KAZN: variants seen among roughly 807,000 people sequenced by gnomAD.
KAZN encodes the protein kazrin, periplakin interacting protein.
In KAZN, 40 loss-of-function variants were observed where a neutral mutation model predicts 87.4. The observed-to-expected ratio is 0.46, with a 90% CI of 0.36 to 0.60. KAZN has a LOEUF of 0.60. KAZN is among the 20% of genes least tolerant of loss of function. The pLI, the probability that KAZN is intolerant of heterozygous loss-of-function variation, is 0.00. For missense variants in KAZN, 898 were observed against 1,073.9 expected (o/e 0.84, Z 2.29); for synonymous variants, 466 against 458.3 (o/e 1.02, Z -0.22).
intron 2 of KAZN, among the ~76,000 whole-genome samples, chr1:14,586,071 C>A (rs1675831961): frequency 6.6e-6 from 1 of 152,160 alleles, no homozygotes; most frequent in Non-Finnish European, 1.5e-5. Flanking sequence ...GGAAATGTTT[C>A]ATTTCTTTTT....
intron 1 of KAZN, among the ~76,000 whole-genome samples, chr1:14,041,163 A>C (rs1417365997): frequency 6.6e-6 from 1 of 152,146 alleles, no homozygotes; most frequent in Non-Finnish European, 1.5e-5. Context: ...TTCATGAATG[A>C]TCAATTTTGA....
intron 2 of KAZN, among the ~76,000 whole-genome samples, chr1:14,995,002 A>G (rs1667727148): frequency 6.6e-6 from 1 of 152,226 alleles, no homozygotes; most frequent in Non-Finnish European, 1.5e-5. Context: ...GCAGCGGGGC[A>G]GTTCTTGACT....
At chr1:15,052,151 ATGTGTG>A (rs555170004) in intron 4 of KAZN, among the ~76,000 whole-genome samples, 1 of 151,164 alleles carries the variant, frequency 6.6e-6, no homozygotes, top group Non-Finnish European at 1.5e-5. Context: ...ACGTGTGTGT[ATGTGTG>A]TGTGTGTGGT....
chr1:14,809,861 C>A (rs1364054607), intron 1 of KAZN, among the ~76,000 whole-genome samples: 1 of 152,128 alleles, frequency 6.6e-6, no homozygotes, highest in Non-Finnish European at 1.5e-5. Context: ...CAGGTCCCTT[C>A]CACCAGGGGC....
intron 2 of KAZN, among the ~76,000 whole-genome samples, chr1:14,532,028 T>C (rs1429163577): frequency 6.6e-6 from 1 of 152,138 alleles, no homozygotes; most frequent in Non-Finnish European, 1.5e-5. Context: ...CGTGCTCTTT[T>C]TTCATAGAAT....
chr1:14,176,171 A>G, intron 1 of KAZN, among the ~76,000 whole-genome samples: 1 of 152,192 alleles, frequency 6.6e-6, no homozygotes, highest in Admixed American at 6.5e-5. Flanking sequence ...AATAAATTCA[A>G]ATTGCTTCCC....
intron 2 of KAZN, among the ~76,000 whole-genome samples, chr1:14,203,990 G>T: frequency 6.6e-6 from 1 of 152,188 alleles, no homozygotes; most frequent in East Asian, 1.9e-4. Context: ...CCAGAGAGTG[G>T]AATAGAAATC....
chr1:14,483,303 C>G (rs538444504), intron 2 of KAZN, among the ~76,000 whole-genome samples: 8 of 152,110 alleles, frequency 5.3e-5, no homozygotes, highest in Admixed American at 2.0e-4. Context: ...CCATGCAACC[C>G]TGGAATAACT....
chr1:14,384,470 A>G (rs1026280094), intron 2 of KAZN, among the ~76,000 whole-genome samples: 28 of 151,950 alleles, frequency 1.8e-4, no homozygotes, highest in African/African-American at 6.0e-4. Flanking sequence ...GATAGCTCTT[A>G]CTATTTTGAA....
At chr1:14,427,524 A>G (rs1253266831) in intron 2 of KAZN, among the ~76,000 whole-genome samples, 1 of 152,062 alleles carries the variant, frequency 6.6e-6, no homozygotes, top group African/African-American at 2.4e-5. Context: ...ACACACACAC[A>G]CACACACACA....
At chr1:15,070,182 G>A (rs554403609) in intron 8 of KAZN, among the ~76,000 whole-genome samples, 1 of 152,210 alleles carries the variant, frequency 6.6e-6, no homozygotes, top group South Asian at 2.1e-4. Context: ...CTTCTCCCAG[G>A]GGGGCATCTT....
At chr1:13,940,508 G>A (rs1640889443) in intron 1 of KAZN, among the ~76,000 whole-genome samples, 1 of 152,002 alleles carries the variant, frequency 6.6e-6, no homozygotes, top group Non-Finnish European at 1.5e-5. Flanking sequence ...TTTTGATTGT[G>A]TATATTTGAA....
chr1:15,051,609 G>A (rs1674411849), intron 4 of KAZN, among the ~76,000 whole-genome samples: 1 of 152,182 alleles, frequency 6.6e-6, no homozygotes, highest in East Asian at 1.9e-4. Flanking sequence ...TGTGAGGGAG[G>A]AACTGTCATT....
At position 14,528,521 on chromosome 1, in the gene KAZN, C is replaced by T. The variant is rs372513334; in HGVS notation, c.250-70462C>T. On this transcript the variant is annotated intron_variant, in intron 2 of 16. Transcript: ENST00000636203. ...AGCCCCCGACCAGTACAGTGGCTCACGCCTGTAACCCCAGCACTTTGGGAG... is the reference window on the plus strand; with the variant it reads ...AGCCCCCGACCAGTACAGTGGCTCATGCCTGTAACCCCAGCACTTTGGGAG... Among the ~76,000 whole-genome samples the T allele has an allele frequency of 6.6e-5, 10 of 151,874 alleles. No individual in the cohort carries two copies. In the East Asian group the frequency reaches 9.7e-4, roughly 15 times the overall value.
At chr1:13,905,840 C>T (rs138632929) in intron 1 of KAZN, among the ~76,000 whole-genome samples, 294 of 152,302 alleles carry the variant, frequency 1.9e-3, no homozygotes, top group African/African-American at 6.9e-3. Context: ...ACCACAACCT[C>T]GGTGACTTAA....
intron 2 of KAZN, among the ~76,000 whole-genome samples, chr1:14,395,252 A>ATGTT (rs1490869099): frequency 3.3e-5 from 5 of 152,230 alleles, no homozygotes; most frequent in Non-Finnish European, 7.3e-5. Flanking sequence ...ATCACCTCGA[A>ATGTT]TGAAACAAGA....
chr1:14,196,495 G>A (rs558783596), intron 2 of KAZN, among the ~76,000 whole-genome samples: 1 of 152,210 alleles, frequency 6.6e-6, no homozygotes, highest in African/African-American at 2.4e-5. Flanking sequence ...TGATATATAG[G>A]ATGGGAGGTG....
At chr1:14,467,539 AG>A (rs1439626444) in intron 2 of KAZN, among the ~76,000 whole-genome samples, 1 of 152,084 alleles carries the variant, frequency 6.6e-6, no homozygotes, top group African/African-American at 2.4e-5. Flanking sequence ...TAGAAAGATT[AG>A]CAGAGTGGCT....
At chr1:14,748,848 G>T (rs993029402) in intron 1 of KAZN, among the ~76,000 whole-genome samples, 1 of 152,130 alleles carries the variant, frequency 6.6e-6, no homozygotes, top group African/African-American at 2.4e-5. Flanking sequence ...AGTGCCCCTG[G>T]ATAGGAAAGT....
Sources: gnomAD v4.1 joint callset for allele counts (sites outside exome capture counted in the v4.1 genomes callset) on GRCh38, gnomAD v4.1.1 for gene constraint, MANE v1.5 for transcripts, NCBI Gene and HGNC (gene_info 2026-07-23, HGNC 2026-07-21) for gene names.